SPAG16: variants seen among roughly 807,000 people sequenced by gnomAD.
SPAG16 encodes the protein sperm associated antigen 16.
A neutral mutation model predicts 80.4 loss-of-function variants in SPAG16; 86 were observed. The observed-to-expected ratio is 1.07, with a 90% CI of 0.90 to 1.28. The LOEUF (loss-of-function observed/expected upper bound fraction) is 1.28. SPAG16 is among the 50% of genes most tolerant of loss of function. The probability of loss-of-function intolerance (pLI) is 0.00; values close to 1 mark genes in which losing one functional copy is unlikely to be tolerated. For synonymous variants in SPAG16, 294 were observed against 265.9 expected (o/e 1.11, Z -1.03); for missense variants, 870 against 765.3 (o/e 1.14, Z -1.61).
intron 6 of SPAG16, 127 bp downstream of exon 6, chr2:213,340,397 C>G (rs190557885): frequency 1.5e-6 from 1 of 683,066 alleles, no homozygotes; most frequent in Admixed American, 3.1e-5. Context: ...GAGTAAGTTG[C>G]GACCCTTGCT....
intron 1 of SPAG16, among the ~76,000 whole-genome samples, chr2:213,285,157 C>T (rs1033108562): frequency 1.3e-4 from 20 of 152,122 alleles, no homozygotes; most frequent in African/African-American, 4.6e-4. Context: ...CTGAGTAGTT[C>T]CAAGTTTGAC....
intron 8 of SPAG16, among the ~76,000 whole-genome samples, chr2:213,371,951 T>C (rs575951881): frequency 2.0e-5 from 3 of 152,266 alleles, no homozygotes; most frequent in East Asian, 3.9e-4. Context: ...TTATTCTTTA[T>C]GGTAGGTCAA....
intron 10 of SPAG16, among the ~76,000 whole-genome samples, chr2:213,723,685 A>T (rs2066626501): frequency 6.6e-6 from 1 of 152,198 alleles, no homozygotes; most frequent in Admixed American, 6.5e-5. Context: ...TTTGCAGATC[A>T]CCTCAGCTAA....
Position 214,003,331 on chromosome 2 carries a change from A to G in SPAG16, c.1401-10620A>G, listed in dbSNP as rs113473627. Among the ~76,000 whole-genome samples the G allele has an allele frequency of 6.3e-3, 958 of 152,314 alleles. 7 individuals carry two copies. The highest frequency in any genetic ancestry group is 0.022 in the African/African-American group (917 of 41,566). On this transcript the variant is annotated intron_variant, in intron 12 of 15. Coordinates refer to ENST00000331683, the MANE Select transcript of SPAG16 (RefSeq NM_024532.5). ...ATTTATTAAAGATAATTTCTATACA[A>G]TGTATATGTTTTCTGCCTATAGAGC...
At chr2:213,852,300 TCTTA>T (rs1422877756) in intron 10 of SPAG16, among the ~76,000 whole-genome samples, 1 of 152,346 alleles carries the variant, frequency 6.6e-6, no homozygotes, top group East Asian at 1.9e-4. Context: ...TTCTCTTGTT[TCTTA>T]CTTTCCATTT....
Position 213,978,045 on chromosome 2 carries a change from T to TC in SPAG16, c.1401-35905dup, listed in dbSNP as rs1325566046. On this transcript the variant is annotated intron_variant, in intron 12 of 15. Transcript: ENST00000331683. ...AATTCTTTATAGGGCTTTTTTTTTT[T>TC]CACCACAGAGTACTATGAGACACCC... is the stretch of plus-strand genomic sequence containing the variant. 7.3e-5 allele frequency among the ~76,000 whole-genome samples: 11 copies of TC among 151,550 alleles called. No individual in the cohort carries two copies. The South Asian group carries it at 2.1e-3, about 29-fold the overall frequency.
chr2:213,613,693 C>T (rs1489436997), intron 10 of SPAG16, among the ~76,000 whole-genome samples: 1 of 151,680 alleles, frequency 6.6e-6, no homozygotes, highest in Non-Finnish European at 1.5e-5. Flanking sequence ...TGTTCTCTGC[C>T]TCTTCTCTAG....
At chr2:214,207,835 G>C (rs1437888142) in intron 15 of SPAG16, among the ~76,000 whole-genome samples, 2 of 152,178 alleles carry the variant, frequency 1.3e-5, no homozygotes, top group African/African-American at 4.8e-5. Flanking sequence ...AAGTCTTCTG[G>C]CTTCCATCTT....
intron 10 of SPAG16, among the ~76,000 whole-genome samples, chr2:213,822,889 C>A (rs982333765): frequency 6.6e-6 from 1 of 152,154 alleles, no homozygotes. Context: ...ATCCATGTCC[C>A]TGCAAAGGAC....
At chr2:213,987,811 A>C (rs552963213) in intron 12 of SPAG16, among the ~76,000 whole-genome samples, 1 of 147,782 alleles carries the variant, frequency 6.8e-6, no homozygotes, top group Non-Finnish European at 1.5e-5. Flanking sequence ...TAAAATATAA[A>C]ATATATATAT....
intron 15 of SPAG16, among the ~76,000 whole-genome samples, chr2:214,405,837 G>A (rs955500127): frequency 4.6e-5 from 7 of 152,084 alleles, no homozygotes; most frequent in African/African-American, 1.4e-4. Context: ...TCAACCTTCT[G>A]TGAGTCTCCT....
At chr2:213,436,842 T>C (rs575039742) in intron 9 of SPAG16, among the ~76,000 whole-genome samples, 31 of 152,320 alleles carry the variant, frequency 2.0e-4, no homozygotes, top group Non-Finnish European at 4.3e-4. Flanking sequence ...ATAAATCTTT[T>C]AGATATTTTT....
chr2:213,511,591 C>T (rs1161527118), intron 10 of SPAG16, among the ~76,000 whole-genome samples: 4 of 151,936 alleles, frequency 2.6e-5, no homozygotes, highest in Non-Finnish European at 2.9e-5. Context: ...ATAGTTGCCA[C>T]CTAGAAAGGG....
chr2:214,321,542 T>C (rs1696095373), intron 15 of SPAG16, among the ~76,000 whole-genome samples: 1 of 152,210 alleles, frequency 6.6e-6, no homozygotes, highest in Admixed American at 6.5e-5. Flanking sequence ...AGGCCACAAT[T>C]GCTCTATTCC....
rs530403572 is a variant in SPAG16 at position 214,339,305 on chromosome 2, A to T, written c.1721-70835A>T. 3.0e-4 allele frequency among the ~76,000 whole-genome samples: 46 copies of T among 152,332 alleles called. 1 individual carries two copies. In the South Asian group the frequency reaches 8.7e-3, roughly 29 times the overall value. ...GTCCACACATTTTTTTTCTTCAAAT[A>T]TCTCTTGTTGGTCTATAATCAACCA... On this transcript the variant is annotated intron_variant, in intron 15 of 15. Coordinates refer to ENST00000331683, the MANE Select transcript of SPAG16 (RefSeq NM_024532.5).
chr2:213,322,432 C>T (rs1477893449), intron 5 of SPAG16, among the ~76,000 whole-genome samples: 1 of 148,152 alleles, frequency 6.7e-6, no homozygotes, highest in Non-Finnish European at 1.5e-5. Context: ...GTCTGACTTT[C>T]ATTTCACTTT....
chr2:213,991,711 G>A (rs1422216135), intron 12 of SPAG16, among the ~76,000 whole-genome samples: 1 of 152,038 alleles, frequency 6.6e-6, no homozygotes, highest in African/African-American at 2.4e-5. Context: ...AATAATTAAT[G>A]CAAAATTGCC....
chr2:214,382,816 G>C (rs752958006), intron 15 of SPAG16, among the ~76,000 whole-genome samples: 2 of 152,178 alleles, frequency 1.3e-5, no homozygotes, highest in South Asian at 2.1e-4. Flanking sequence ...GCCAGGTACA[G>C]AGAGCATCAT....
chr2:213,603,377 G>A (rs2061136470), intron 10 of SPAG16, among the ~76,000 whole-genome samples: 1 of 152,142 alleles, frequency 6.6e-6, no homozygotes, highest in African/African-American at 2.4e-5. Context: ...TCCGTATCTT[G>A]CCAACTGTGG....
Sources: gnomAD v4.1 joint callset for allele counts (sites outside exome capture counted in the v4.1 genomes callset) on GRCh38, gnomAD v4.1.1 for gene constraint, MANE v1.5 for transcripts, NCBI Gene and HGNC (gene_info 2026-07-23, HGNC 2026-07-21) for gene names.